MACROD2: variants seen among roughly 807,000 people sequenced by gnomAD.
MACROD2 encodes ADP-ribose glycohydrolase MACROD2.
In MACROD2, 36 loss-of-function variants were observed where a neutral mutation model predicts 70.4. That is an observed-to-expected ratio of 0.51 (90% CI 0.39 to 0.68). MACROD2 has a LOEUF of 0.68. Among genes scored for constraint, MACROD2 ranks in the 30% least tolerant of loss-of-function variants. The pLI, the probability that MACROD2 is intolerant of heterozygous loss-of-function variation, is 0.00. For synonymous variants in MACROD2, 172 were observed against 178.8 expected (o/e 0.96, Z 0.30); for missense variants, 496 against 538.4 (o/e 0.92, Z 0.78).
chr20:15,997,106 C>T lies in MACROD2; in HGVS notation c.1153+9948C>T, dbSNP rs1223891248. ...TACCATACTGTTTTGATTACTATAG[C>T]TTTGAAATGTAGTTTGAAATCAGTA... is the stretch of plus-strand genomic sequence containing the variant. On this transcript the variant is annotated intron_variant, in intron 15 of 17. Transcript: ENST00000684519. Among the ~76,000 whole-genome samples, 6 of 152,150 alleles carry T rather than the reference C, an allele frequency of 3.9e-5. No individual in the cohort carries two copies. In the South Asian group the frequency reaches 1.0e-3, roughly 26 times the overall value.
chr20:14,446,574 C>A (rs2084185106), intron 3 of MACROD2, among the ~76,000 whole-genome samples: 1 of 152,094 alleles, frequency 6.6e-6, no homozygotes, highest in Non-Finnish European at 1.5e-5. Flanking sequence ...GCTGATTTGA[C>A]TTCTACACTT....
At chr20:14,649,866 G>C (rs929972589) in intron 4 of MACROD2, among the ~76,000 whole-genome samples, 4 of 152,102 alleles carry the variant, frequency 2.6e-5, no homozygotes, top group East Asian at 1.9e-4. Context: ...TGAGTCACAG[G>C]CTGGGTGGGG....
chr20:14,582,071 A>G lies in MACROD2; in HGVS notation c.301+88563A>G, dbSNP rs1186028804. On this transcript the variant is annotated intron_variant, in intron 4 of 17. Coordinates refer to ENST00000684519, the MANE Select transcript of MACROD2 (RefSeq NM_001351661.2). ...TTCCCCCTTCCTGTTTTACATTTAC[A>G]CTTCCTATCCCATTCAACTCTCATT... 3.5e-5 allele frequency among the ~76,000 whole-genome samples: 5 copies of G among 143,046 alleles called. No homozygotes were observed. The South Asian group carries it at 9.4e-4, about 27-fold the overall frequency. The allele number at this position is 143,046 out of a possible 152,430, so 93.8% of individuals were successfully genotyped here.
At chr20:14,024,159 G>T (rs2053125325) in intron 2 of MACROD2, among the ~76,000 whole-genome samples, 1 of 152,114 alleles carries the variant, frequency 6.6e-6, no homozygotes, top group African/African-American at 2.4e-5. Flanking sequence ...TCTCTTTGTA[G>T]CAGTTGTGAA....
intron 11 of MACROD2, among the ~76,000 whole-genome samples, chr20:15,935,330 C>A (rs574292525): frequency 1.2e-4 from 18 of 152,254 alleles, no homozygotes; most frequent in African/African-American, 4.3e-4. Flanking sequence ...GTGAGCTCGC[C>A]GGCCGGCACA....
At chr20:14,276,738 C>G (rs2082261717) in intron 3 of MACROD2, among the ~76,000 whole-genome samples, 1 of 152,024 alleles carries the variant, frequency 6.6e-6, no homozygotes, top group East Asian at 1.9e-4. Flanking sequence ...TAACATACTA[C>G]CAGGTATGGT....
At chr20:14,684,695 T>C (rs1434815149) in intron 4 of MACROD2, 148 bp from the exon 5 acceptor site, 2 of 475,256 alleles carry the variant, frequency 4.2e-6, no homozygotes, top group African/African-American at 3.9e-5. Context: ...CAAGCTAGTG[T>C]TTGAAACATT....
chr20:14,827,301 C>T (rs779212796), intron 5 of MACROD2, among the ~76,000 whole-genome samples: 88 of 152,170 alleles, frequency 5.8e-4, no homozygotes, highest in African/African-American at 1.6e-3. Context: ...CCTTTCACAG[C>T]GACCGCATTA....
In MACROD2 at chr20:15,995,649, CTT is replaced by C. The variant is rs71192310; in HGVS notation, c.1153+8510_1153+8511del. On this transcript the variant is annotated intron_variant, in intron 15 of 17. Transcript: ENST00000684519. ...ACAGGCATGAGCCACTATGCCCGGC[CTT>C]TTTTTTTTTTTTTTTTTTAACTTTT... Among the ~76,000 whole-genome samples, 795 of 85,506 alleles carry C rather than the reference CTT, an allele frequency of 9.3e-3. 30 individuals carry two copies. The highest frequency in any genetic ancestry group is 0.049 in the Admixed American group (379 of 7,798). 56.1% of individuals were successfully genotyped at this position (85,506 alleles called of 152,430 possible).
intron 3 of MACROD2, among the ~76,000 whole-genome samples, chr20:14,289,974 C>T (rs1568540149): frequency 7.6e-6 from 1 of 132,322 alleles, no homozygotes; most frequent in Non-Finnish European, 1.7e-5. Flanking sequence ...TAAGGATTCA[C>T]TAGTTTTTCC....
At chr20:15,429,450 A>G (rs2046338329) in intron 6 of MACROD2, among the ~76,000 whole-genome samples, 1 of 152,132 alleles carries the variant, frequency 6.6e-6, no homozygotes, top group Non-Finnish European at 1.5e-5. Flanking sequence ...AAAAGCATAT[A>G]TCATTTTACA....
chr20:14,721,120 C>T (rs546733182), intron 5 of MACROD2, among the ~76,000 whole-genome samples: 56 of 151,098 alleles, frequency 3.7e-4, no homozygotes, highest in East Asian at 1.4e-3. Context: ...CTAGGCATGG[C>T]GTTGGGCGCC....
intron 7 of MACROD2, among the ~76,000 whole-genome samples, chr20:15,467,695 A>C (rs1322790238): frequency 6.7e-6 from 1 of 149,778 alleles, no homozygotes; most frequent in Non-Finnish European, 1.5e-5. Context: ...GAATAAATCA[A>C]ATATTTATTG....
intron 6 of MACROD2, among the ~76,000 whole-genome samples, chr20:15,417,393 C>T (rs1251785485): frequency 2.0e-5 from 3 of 151,124 alleles, no homozygotes; most frequent in Non-Finnish European, 4.4e-5. Flanking sequence ...GAGTTTGAGA[C>T]CAGCCTGGAC....
chr20:14,658,541 C>A (rs1986082016), intron 4 of MACROD2, among the ~76,000 whole-genome samples: 1 of 152,184 alleles, frequency 6.6e-6, no homozygotes, highest in Admixed American at 6.5e-5. Flanking sequence ...AAACCCAGTA[C>A]TATTTATTTC....
chr20:15,661,906 A>AAT (rs1159717804), intron 8 of MACROD2, among the ~76,000 whole-genome samples: 14 of 152,218 alleles, frequency 9.2e-5, no homozygotes, highest in South Asian at 2.1e-4. Flanking sequence ...CATTGTTATG[A>AAT]ATATGGTTGC....
chr20:15,710,009 G>A (rs928287445), intron 8 of MACROD2, among the ~76,000 whole-genome samples: 1 of 151,842 alleles, frequency 6.6e-6, no homozygotes, highest in Non-Finnish European at 1.5e-5. Flanking sequence ...AACTTTTTTA[G>A]CTTCTACAGA....
intron 5 of MACROD2, among the ~76,000 whole-genome samples, chr20:14,818,487 C>G (rs1017164772): frequency 6.6e-6 from 1 of 151,806 alleles, no homozygotes; most frequent in Non-Finnish European, 1.5e-5. Flanking sequence ...TTTTTCTATT[C>G]GGGGTATTTT....
At chr20:15,903,349 A>C (rs531678939) in intron 10 of MACROD2, among the ~76,000 whole-genome samples, 1 of 152,296 alleles carries the variant, frequency 6.6e-6, no homozygotes, top group African/African-American at 2.4e-5. Context: ...GGAAACACAA[A>C]ATGCTAAAGC....
Sources: allele counts gnomAD v4.1 joint callset (sites outside exome capture counted in the v4.1 genomes callset), GRCh38; gene constraint gnomAD v4.1.1; transcripts MANE v1.5; gene names NCBI Gene and HGNC (gene_info 2026-07-23, HGNC 2026-07-21).